The following CNGB3 variants were observed in gnomAD, a reference collection of about 807,000 sequenced individuals.
The protein encoded by CNGB3 is cyclic nucleotide gated channel subunit beta 3.
Under a neutral mutation model 92.8 loss-of-function variants are expected in CNGB3, and 86 were observed. That is an observed-to-expected ratio of 0.93 (90% CI 0.78 to 1.11). The LOEUF (loss-of-function observed/expected upper bound fraction) is 1.11, where lower values mean the gene tolerates loss of function less well. CNGB3 is among the 50% of genes least tolerant of loss of function. CNGB3 has a pLI of 0.00. For missense variants in CNGB3, 1,026 were observed against 956.8 expected, an observed-to-expected ratio of 1.07 and a Z score of -0.95; for synonymous variants, 333 against 332.7, an observed-to-expected ratio of 1.00 and a Z score of -0.01.
At chr8:86,671,906 G>A (rs1249972522) in intron 3 of CNGB3, among the ~76,000 whole-genome samples, 1 of 152,152 alleles carries the variant, frequency 6.6e-6, no homozygotes, top group African/African-American at 2.4e-5. Flanking sequence ...CAAGAACCCG[G>A]TTGAGCCCAC....
intron 15 of CNGB3, chr8:86,593,707 C>T: frequency 1.2e-6 from 1 of 806,354 alleles, no homozygotes; most frequent in Non-Finnish European, 2.0e-6. Flanking sequence ...CGCTGAGGGC[C>T]AGGCCTGTCG....
chr8:86,604,377 G>A (rs1822374164), intron 14 of CNGB3, among the ~76,000 whole-genome samples, 166 bp from the exon 15 acceptor site: 1 of 152,176 alleles, frequency 6.6e-6, no homozygotes, highest in Admixed American at 6.6e-5. Flanking sequence ...ACAGACATGG[G>A]TTGAACATAT....
chr8:86,672,736 C>T (rs1040037036), intron 3 of CNGB3, among the ~76,000 whole-genome samples: 30 of 152,198 alleles, frequency 2.0e-4, no homozygotes, highest in Admixed American at 4.6e-4. Context: ...AGATATATTA[C>T]ATCTATAAAT....
chr8:86,692,931 G>A (rs1462866033), intron 3 of CNGB3, among the ~76,000 whole-genome samples: 1 of 152,070 alleles, frequency 6.6e-6, no homozygotes, highest in African/African-American at 2.4e-5. Flanking sequence ...TGGTAGTGGT[G>A]AATTCTCTCA....
At chr8:86,673,057 A>G (rs1044269440) in intron 3 of CNGB3, among the ~76,000 whole-genome samples, 2 of 152,200 alleles carry the variant, frequency 1.3e-5, no homozygotes, top group Admixed American at 1.3e-4. Flanking sequence ...GTGTGCTTAG[A>G]AGTTTATTCA....
chr8:86,581,475 A>G (rs1821764061), intron 15 of CNGB3, among the ~76,000 whole-genome samples: 1 of 152,070 alleles, frequency 6.6e-6, no homozygotes, highest in East Asian at 1.9e-4. Context: ...GCATAGGGGA[A>G]GATTAATCAT....
chr8:86,580,474 C>T (rs567916685), intron 15 of CNGB3, among the ~76,000 whole-genome samples: 1 of 152,290 alleles, frequency 6.6e-6, no homozygotes, highest in Admixed American at 6.5e-5. Flanking sequence ...GCCCTGGTCA[C>T]CTCAGGTGAA....
At chr8:86,610,004 A>G (rs980207900) in intron 14 of CNGB3, among the ~76,000 whole-genome samples, 1 of 152,122 alleles carries the variant, frequency 6.6e-6, no homozygotes, top group Non-Finnish European at 1.5e-5. Flanking sequence ...AACTTAGCAC[A>G]TTTTGGAATT....
At chr8:86,578,893 G>A (rs1218196856) in intron 16 of CNGB3, 30 bp from the exon 17 acceptor site, 1 of 1,613,852 alleles carries the variant, frequency 6.2e-7, no homozygotes, top group African/African-American at 1.3e-5. Flanking sequence ...GCTGTTTTAG[G>A]TAACTCTGTG....
chr8:86,589,317 GT>G, intron 15 of CNGB3, among the ~76,000 whole-genome samples: 1 of 150,370 alleles, frequency 6.7e-6, no homozygotes, highest in South Asian at 2.2e-4. Flanking sequence ...TTTTTGAAGG[GT>G]TTTTTGTGTC....
At chr8:86,737,201 A>G (rs1825263442) in intron 2 of CNGB3, among the ~76,000 whole-genome samples, 1 of 152,318 alleles carries the variant, frequency 6.6e-6, no homozygotes. Context: ...ATAAGTAAAT[A>G]AAGTCAAGAA....
intron 15 of CNGB3, among the ~76,000 whole-genome samples, chr8:86,601,229 A>G (rs1822291317): frequency 6.6e-6 from 1 of 152,188 alleles, no homozygotes; most frequent in African/African-American, 2.4e-5. Context: ...GAAAAATGAC[A>G]TTTTAACAGA....
At chr8:86,705,273 GTT>G (rs1824632041) in intron 3 of CNGB3, among the ~76,000 whole-genome samples, 1 of 151,984 alleles carries the variant, frequency 6.6e-6, no homozygotes, top group Admixed American at 6.6e-5. Flanking sequence ...CATCGTTTAA[GTT>G]TTGTTTGGTC....
intron 13 of CNGB3, among the ~76,000 whole-genome samples, chr8:86,616,852 G>A (rs1414532184): frequency 6.6e-6 from 1 of 152,152 alleles, no homozygotes; most frequent in Non-Finnish European, 1.5e-5. Flanking sequence ...ACATGCGGTA[G>A]GTATTGGAGG....
intron 3 of CNGB3, among the ~76,000 whole-genome samples, chr8:86,719,408 A>AT (rs1247639689): frequency 6.6e-6 from 1 of 152,164 alleles, no homozygotes; most frequent in East Asian, 1.9e-4. Flanking sequence ...CAAGAACTCG[A>AT]TCCCCTTTAC....
intron 3 of CNGB3, among the ~76,000 whole-genome samples, chr8:86,697,197 A>G (rs756360000): frequency 6.6e-6 from 1 of 152,224 alleles, no homozygotes; most frequent in South Asian, 2.1e-4. Context: ...TGAGGCTTCT[A>G]TTTGGCTACC....
intron 2 of CNGB3, among the ~76,000 whole-genome samples, chr8:86,737,195 GTAAA>G (rs1226959334): frequency 3.3e-5 from 5 of 152,060 alleles, no homozygotes; most frequent in Admixed American, 6.6e-5. Flanking sequence ...TTCAAAATAA[GTAAA>G]TAAAGTCAAG....
At chr8:86,625,678 T>G (rs1822831895) in intron 13 of CNGB3, among the ~76,000 whole-genome samples, 1 of 151,964 alleles carries the variant, frequency 6.6e-6, no homozygotes, top group South Asian at 2.1e-4. Flanking sequence ...AGATGGGAGG[T>G]GATACATGTA....
rs1320331729 is a variant in CNGB3, at chr8:86,579,096, A to G, written c.1928+10T>C. The G allele has an allele frequency of 6.2e-7, 1 of 1,614,128 alleles. No homozygotes were observed. On this transcript the variant is annotated intron_variant, in intron 16 of 17. Transcript: ENST00000320005. ...TCCATCCATCTCTAATGGTGTTTTA[A>G]AGGTTGTACCTGGCTTTCTTCATGA...
Sources: gnomAD v4.1 joint callset for allele counts (sites outside exome capture counted in the v4.1 genomes callset) on GRCh38, gnomAD v4.1.1 for gene constraint, MANE v1.5 for transcripts, NCBI Gene and HGNC (gene_info 2026-07-23, HGNC 2026-07-21) for gene names.